SREK1IP1: variants seen among roughly 807,000 people sequenced by gnomAD.
SREK1IP1 encodes SREK1 interacting protein 1.
In SREK1IP1, 12 loss-of-function variants were observed where a neutral mutation model predicts 22.8. That is an observed-to-expected ratio of 0.53 (90% CI 0.34 to 0.85). SREK1IP1 has a LOEUF of 0.85. Ranked by LOEUF, SREK1IP1 falls within the 40% of genes least tolerant of loss-of-function variation. The pLI is 0.02. For synonymous variants in SREK1IP1, 53 were observed against 52.7 expected (o/e 1.01, Z -0.02); for missense variants, 147 against 171.8 (o/e 0.86, Z 0.81).
chr5:64,763,522 G>C (rs1580561436), intron 1 of SREK1IP1, among the ~76,000 whole-genome samples: 4 of 151,952 alleles, frequency 2.6e-5, no homozygotes, highest in Admixed American at 2.6e-4. Context: ...GGGCGACAGA[G>C]CGAGACTCCG....
intron 2 of SREK1IP1, among the ~76,000 whole-genome samples, chr5:64,751,285 C>T (rs1742736707): frequency 6.6e-6 from 1 of 152,162 alleles, no homozygotes; most frequent in Non-Finnish European, 1.5e-5. Context: ...TTATTTTACT[C>T]CACCATCTGA....
At chr5:64,741,997 T>G (rs1481474828) in intron 2 of SREK1IP1, among the ~76,000 whole-genome samples, 2 of 151,996 alleles carry the variant, frequency 1.3e-5, no homozygotes. Context: ...ATTTTTTTTT[T>G]TTTGTCCTCT....
rs886425957 is a variant in SREK1IP1, at chr5:64,754,440, T to A, written c.14-78A>T. Reference sequence around the variant, plus strand: ...AAAAACTTTATTGTATGAAAAAAGCTAAGAAAAACCATTTGTTATAGAATT... The same window carrying A: ...AAAAACTTTATTGTATGAAAAAAGCAAAGAAAAACCATTTGTTATAGAATT... On this transcript the variant is annotated intron_variant, in intron 1 of 4. Coordinates refer to ENST00000513458, the MANE Select transcript of SREK1IP1 (RefSeq NM_173829.4). 4.3e-6 allele frequency: 6 copies of A among 1,389,496 alleles called. No individual in the cohort carries two copies. In the African/African-American group the frequency reaches 5.8e-5, roughly 14 times the overall value. 86.1% of individuals were successfully genotyped at this position (1,389,496 alleles called of 1,614,324 possible). A position where few individuals can be genotyped will look rare whatever the true frequency, so the allele number is the denominator to read the frequency against.
chr5:64,737,797 C>G (rs1742491007), intron 3 of SREK1IP1, among the ~76,000 whole-genome samples: 1 of 151,890 alleles, frequency 6.6e-6, no homozygotes, highest in Admixed American at 6.6e-5. Flanking sequence ...TAAGAGAATA[C>G]AAGGAACATT....
At chr5:64,765,980 C>G (rs532400145) in intron 1 of SREK1IP1, among the ~76,000 whole-genome samples, 1 of 152,326 alleles carries the variant, frequency 6.6e-6, no homozygotes, top group South Asian at 2.1e-4. Context: ...AGAGCTGACT[C>G]GGCCTATCAG....
intron 3 of SREK1IP1, among the ~76,000 whole-genome samples, chr5:64,736,951 A>G (rs893876035): frequency 6.7e-6 from 1 of 149,456 alleles, no homozygotes; most frequent in Non-Finnish European, 1.5e-5. Flanking sequence ...GTAATTTCAG[A>G]ATAACTACTG....
chr5:64,749,591 C>T (rs1470219917), intron 2 of SREK1IP1, among the ~76,000 whole-genome samples: 4 of 152,030 alleles, frequency 2.6e-5, no homozygotes, highest in African/African-American at 9.7e-5. Context: ...TGCACGCCAC[C>T]GTGCCTGGCT....
At chr5:64,763,795 G>A (rs992821499) in intron 1 of SREK1IP1, among the ~76,000 whole-genome samples, 1 of 152,206 alleles carries the variant, frequency 6.6e-6, no homozygotes. Context: ...CCAATCTTCT[G>A]GCTTTGCTGG....
At chr5:64,727,771 C>T (rs1742300935) in intron 4 of SREK1IP1, 1 of 157,754 alleles carries the variant, frequency 6.3e-6, no homozygotes, top group Non-Finnish European at 1.4e-5. Context: ...CTGTCTCAAA[C>T]TTCTGGGCTC....
At chr5:64,736,909 TCTC>T (rs1742472304) in intron 3 of SREK1IP1, among the ~76,000 whole-genome samples, 1 of 148,452 alleles carries the variant, frequency 6.7e-6, no homozygotes, top group East Asian at 1.9e-4. Context: ...AGTAGTTGTC[TCTC>T]TTCTTTTTTT....
chr5:64,756,780 C>T (rs1163034842), intron 1 of SREK1IP1, among the ~76,000 whole-genome samples: 11 of 152,048 alleles, frequency 7.2e-5, no homozygotes, highest in African/African-American at 2.7e-4. Context: ...GCACCCACCA[C>T]CACGCCCAGC....
chr5:64,746,791 G>A (rs973846605), intron 2 of SREK1IP1, among the ~76,000 whole-genome samples: 2 of 152,106 alleles, frequency 1.3e-5, no homozygotes, highest in African/African-American at 4.8e-5. Context: ...TTACTACCCA[G>A]GGTTAGCACA....
At chr5:64,733,873 T>C (rs1742416425) in intron 3 of SREK1IP1, among the ~76,000 whole-genome samples, 1 of 152,144 alleles carries the variant, frequency 6.6e-6, no homozygotes, top group Non-Finnish European at 1.5e-5. Context: ...TCAGAAGGGT[T>C]ACATACTGTA....
At chr5:64,744,357 G>A (rs1000989169) in intron 2 of SREK1IP1, among the ~76,000 whole-genome samples, 9 of 151,966 alleles carry the variant, frequency 5.9e-5, no homozygotes, top group East Asian at 1.9e-4. Context: ...CCTTTCTTTC[G>A]TTCCTGCTTT....
In SREK1IP1 at chr5:64,724,612, A is replaced by G. The variant is rs904799799; in HGVS notation, c.279-39T>C. The G allele has an allele frequency of 4.3e-6, 6 of 1,397,508 alleles. No homozygotes were observed. In the African/African-American group the frequency reaches 7.3e-5, roughly 17 times the overall value. The allele number at this position is 1,397,508 out of a possible 1,614,324, so 86.6% of individuals were successfully genotyped here. On this transcript the variant is annotated intron_variant, in intron 4 of 4. Coordinates refer to ENST00000513458, the MANE Select transcript of SREK1IP1 (RefSeq NM_173829.4). ...TACATACTGACTGAGAATTGCATTT[A>G]TGACTGATAGATAAATTTAAGTGGG... is the stretch of plus-strand genomic sequence containing the variant.
chr5:64,759,946 G>C (rs1210675448), intron 1 of SREK1IP1, among the ~76,000 whole-genome samples: 1 of 152,182 alleles, frequency 6.6e-6, no homozygotes, highest in African/African-American at 2.4e-5. Context: ...AATTACAAGT[G>C]TACATACCTC....
At chr5:64,728,245 G>T in intron 3 of SREK1IP1, 66 bp from the exon 4 acceptor site, 2 of 1,204,086 alleles carry the variant, frequency 1.7e-6, no homozygotes, top group East Asian at 3.5e-5. Flanking sequence ...AATATGGCAT[G>T]TATATATGTT....
chr5:64,725,763 C>G (rs983445303), intron 4 of SREK1IP1, among the ~76,000 whole-genome samples: 53 of 151,708 alleles, frequency 3.5e-4, no homozygotes, highest in African/African-American at 1.3e-3. Context: ...TTTAAAGACC[C>G]TGTTTGACTT....
At chr5:64,766,721 A>T (rs1354672887) in intron 1 of SREK1IP1, among the ~76,000 whole-genome samples, 1 of 152,258 alleles carries the variant, frequency 6.6e-6, no homozygotes, top group African/African-American at 2.4e-5. Context: ...CACAGTCTAG[A>T]GGAACCAGAC....
Sources: gnomAD v4.1 joint callset for allele counts (sites outside exome capture counted in the v4.1 genomes callset) on GRCh38, gnomAD v4.1.1 for gene constraint, MANE v1.5 for transcripts, NCBI Gene and HGNC (gene_info 2026-07-23, HGNC 2026-07-21) for gene names.